Variants in DENND2C observed in about 807,000 individuals in gnomAD.
DENND2C encodes the protein DENN domain containing 2C, also known as DENN domain-containing protein 2C.
DENND2C carries 72 observed loss-of-function variants against 112.4 expected under a neutral mutation model. The ratio of observed to expected loss-of-function variants is 0.64; its 90% confidence interval spans 0.53 to 0.78. DENND2C has a LOEUF of 0.78. Ranked by LOEUF, DENND2C falls within the 30% of genes least tolerant of loss-of-function variation. The probability of loss-of-function intolerance (pLI) is 0.00; values close to 1 mark genes in which losing one functional copy is unlikely to be tolerated. For synonymous variants in DENND2C, 329 were observed against 381.6 expected, an observed-to-expected ratio of 0.86 and a Z score of 1.61; for missense variants, 992 against 1,113.8, an observed-to-expected ratio of 0.89 and a Z score of 1.56.
chr1:114,629,463 GA>G (rs1236409396), intron 3 of DENND2C, among the ~76,000 whole-genome samples: 1 of 152,074 alleles, frequency 6.6e-6, no homozygotes, highest in Non-Finnish European at 1.5e-5. Flanking sequence ...GTTTTTAGTA[GA>G]GACAGGGTTT....
intron 8 of DENND2C, among the ~76,000 whole-genome samples, chr1:114,612,604 C>T (rs1297937203): frequency 6.6e-6 from 1 of 151,696 alleles, no homozygotes; most frequent in African/African-American, 2.4e-5. Context: ...ACTACAACCT[C>T]CACCTCCAGG....
chr1:114,625,152 G>C (rs1235998252), intron 4 of DENND2C, 27 bp downstream of exon 4: 8 of 1,558,532 alleles, frequency 5.1e-6, no homozygotes, highest in Non-Finnish European at 6.1e-6. Flanking sequence ...ATACCTACAA[G>C]TCTTTATCTG....
At chr1:114,598,375 T>C (rs181869250) in intron 16 of DENND2C, among the ~76,000 whole-genome samples, 12 of 152,226 alleles carry the variant, frequency 7.9e-5, no homozygotes, top group African/African-American at 2.9e-4. Flanking sequence ...CAAAAATATA[T>C]ATACCATATG....
Position 114,663,229 on chromosome 1 carries a change from G to C in DENND2C, c.-574+6754C>G, listed in dbSNP as rs186300105. ...ATCCTGTCCAACCCTCTGGGAACCA[G>C]TGCAGAATACCCCTTCAAATTTATC... On this transcript the variant is annotated intron_variant, in intron 1 of 20. Coordinates refer to ENST00000393274, the MANE Select transcript of DENND2C (RefSeq NM_001256404.2). 2.1e-3 allele frequency among the ~76,000 whole-genome samples: 320 copies of C among 152,336 alleles called. 2 individuals carry two copies. The highest frequency in any genetic ancestry group is 7.1e-3 in the African/African-American group (296 of 41,574).
intron 5 of DENND2C, among the ~76,000 whole-genome samples, chr1:114,623,304 T>G (rs937643960): frequency 1.3e-5 from 2 of 152,192 alleles, no homozygotes; most frequent in African/African-American, 2.4e-5. Flanking sequence ...ATTATAAACA[T>G]GTACTTATAA....
intron 16 of DENND2C, among the ~76,000 whole-genome samples, chr1:114,597,452 A>C (rs888306934): frequency 4.0e-5 from 6 of 151,538 alleles, no homozygotes; most frequent in Admixed American, 2.6e-4. Context: ...CTCAAAAAGA[A>C]AAGAGAAGAA....
rs765555197 is a variant in DENND2C, at chr1:114,608,711, T to C, written c.1532A>G (p.Gln511Arg). The change falls in exon 10 of 21, where the codon CAG (glutamine) becomes CGG (arginine). Residue 511 changes from glutamine to arginine, a missense_variant. Gln to Arg is a conservative substitution (Grantham distance 43, BLOSUM62 1). Around this residue, in one of 3 missense-constraint regions of DENND2C, gnomAD observed 516 missense variants for 623.6 expected, o/e 0.83. Transcript: ENST00000393274. ...CTTGCCAGGGAATTGTTGTATGACC[T>C]GGGGAATATAGCTTATTCCTGATGG... Reference protein sequence around the residue: ...KKPSGISYIPQVIQQFPGKDD... With the variant: ...KKPSGISYIPRVIQQFPGKDD... The C allele has an allele frequency of 1.8e-5, 29 of 1,614,076 alleles. No individual in the cohort carries two copies. The South Asian group carries it at 2.9e-4, about 16-fold the overall frequency.
chr1:114,645,628 G>A (rs1006228780), intron 2 of DENND2C, 69 bp from the exon 3 acceptor site: 2 of 152,248 alleles, frequency 1.3e-5, no homozygotes, highest in African/African-American at 4.8e-5. Flanking sequence ...AATGAAAGAA[G>A]AGCTTCACTG....
At chr1:114,589,075 T>C (rs1655117317) in intron 18 of DENND2C, among the ~76,000 whole-genome samples, 1 of 152,206 alleles carries the variant, frequency 6.6e-6, no homozygotes, top group African/African-American at 2.4e-5. Flanking sequence ...TCATCCCACC[T>C]AGTAAGTGAA....
chr1:114,636,112 T>C (rs1656650389), intron 3 of DENND2C, among the ~76,000 whole-genome samples: 1 of 151,578 alleles, frequency 6.6e-6, no homozygotes, highest in African/African-American at 2.4e-5. Flanking sequence ...AAGGTTGCTT[T>C]AACATTAAAA....
Position 114,611,108 on chromosome 1 carries a change from C to T in DENND2C, c.1334G>A (p.Ser445Asn). 1 of 1,614,168 alleles carries T rather than the reference C, an allele frequency of 6.2e-7. No homozygotes were observed. Among genetic ancestry groups the T allele is most frequent in the Non-Finnish European group, 8.5e-7 (1 of 1,180,008 alleles). ...KELPPTKGET[S>N]GNESDAEYLP... Reference sequence around the variant, plus strand: ...ATACTCGGCATCACTTTCGTTCCCACTGGTTTCACCTGAAAAGAGAGAAGG... The same window carrying T: ...ATACTCGGCATCACTTTCGTTCCCATTGGTTTCACCTGAAAAGAGAGAAGG... Residue 445 changes from serine (S) to asparagine (N), a missense_variant, in exon 9 of 21, where the codon AGT becomes AAT. Coordinates refer to ENST00000393274, the MANE Select transcript of DENND2C (RefSeq NM_001256404.2).
intron 5 of DENND2C, among the ~76,000 whole-genome samples, 171 bp downstream of exon 5, chr1:114,623,336 G>A (rs1557948665): frequency 6.6e-6 from 1 of 152,090 alleles, no homozygotes; most frequent in Non-Finnish European, 1.5e-5. Context: ...TATCACATTA[G>A]TTGTAAAATT....
At chr1:114,653,351 C>T (rs1313002497) in intron 2 of DENND2C, among the ~76,000 whole-genome samples, 2 of 152,054 alleles carry the variant, frequency 1.3e-5, no homozygotes, top group African/African-American at 4.8e-5. Context: ...TCAAGCAATC[C>T]GCCTGCCTCA....
At chr1:114,655,883 A>AATAAAT (rs1553238228) in intron 1 of DENND2C, among the ~76,000 whole-genome samples, 1 of 125,890 alleles carries the variant, frequency 7.9e-6, no homozygotes, top group Non-Finnish European at 1.8e-5. Context: ...TATATGTATA[A>AATAAAT]ATATATATAT....
intron 3 of DENND2C, among the ~76,000 whole-genome samples, chr1:114,639,821 T>G (rs1223347349): frequency 6.6e-6 from 1 of 151,918 alleles, no homozygotes; most frequent in Non-Finnish European, 1.5e-5. Context: ...CAATCTGAAG[T>G]GCTGAAATTA....
intron 15 of DENND2C, 112 bp downstream of exon 15, chr1:114,600,092 A>C: frequency 8.1e-7 from 1 of 1,233,576 alleles, no homozygotes; most frequent in Admixed American, 2.7e-5. Context: ...CGTTGTGCAC[A>C]TGTACCCTAG....
intron 2 of DENND2C, among the ~76,000 whole-genome samples, chr1:114,650,336 G>C (rs1657119136): frequency 6.7e-6 from 1 of 148,684 alleles, no homozygotes; most frequent in African/African-American, 2.5e-5. Context: ...AAAAAAAAAA[G>C]ATGCAATTTT....
chr1:114,668,334 C>T (rs1657700749), intron 1 of DENND2C, among the ~76,000 whole-genome samples: 1 of 152,124 alleles, frequency 6.6e-6, no homozygotes. Context: ...AGTAACTTTC[C>T]CTCTACTACT....
chr1:114,649,109 C>T (rs1657082848), intron 2 of DENND2C, among the ~76,000 whole-genome samples: 1 of 151,206 alleles, frequency 6.6e-6, no homozygotes, highest in African/African-American at 2.4e-5. Flanking sequence ...CGCCTGCCAC[C>T]ATGCCTGACT....
Sources: allele counts gnomAD v4.1 joint callset (sites outside exome capture counted in the v4.1 genomes callset), GRCh38; gene constraint gnomAD v4.1.1; regional missense constraint gnomAD v4.1.1; transcripts MANE v1.5; gene names NCBI Gene and HGNC (gene_info 2026-07-23, HGNC 2026-07-21).